The following ITIH2 variants were observed in gnomAD, a reference collection of about 807,000 sequenced individuals.
The protein encoded by ITIH2 is inter-alpha-trypsin inhibitor heavy chain H2.
ITIH2 carries 103 observed loss-of-function variants against 104.4 expected under a neutral mutation model. That is an observed-to-expected ratio of 0.99 (90% CI 0.84 to 1.16). The LOEUF (loss-of-function observed/expected upper bound fraction) is 1.16. ITIH2 is among the 50% of genes most tolerant of loss of function. The pLI, the probability that ITIH2 is intolerant of heterozygous loss-of-function variation, is 0.00. For synonymous variants in ITIH2, 436 were observed against 435.4 expected, an observed-to-expected ratio of 1.00 and a Z score of -0.02; for missense variants, 1,108 against 1,162.4, an observed-to-expected ratio of 0.95 and a Z score of 0.68.
intron 3 of ITIH2, among the ~76,000 whole-genome samples, chr10:7,707,775 G>GA (rs1834761134): frequency 6.6e-6 from 1 of 152,118 alleles, no homozygotes; most frequent in Admixed American, 6.6e-5. Flanking sequence ...ATGTTGGCCA[G>GA]GCTGGTCTCG....
chr10:7,744,243 T>G lies in ITIH2; in HGVS notation c.2371T>G (p.Leu791Val). The change falls in exon 18 of 21, where the codon TTG becomes GTG. Residue 791 changes from leucine (L) to valine (V), a missense_variant. Physicochemically the swap from Leu to Val is conservative, Grantham distance 32. Coordinates refer to ENST00000358415, the MANE Select transcript of ITIH2 (RefSeq NM_002216.3). Reference sequence around the variant, plus strand: ...GAGCCATGGTTCTAGCACATTCTCCTTGTCCTGGTCCGACACGGCTCAAGT... The same window carrying G: ...GAGCCATGGTTCTAGCACATTCTCCGTGTCCTGGTCCGACACGGCTCAAGT... ...TLSHGSSTFSLSWSDTAQVTN... is the reference protein window; with the variant it reads ...TLSHGSSTFSVSWSDTAQVTN... 6.2e-7 allele frequency: 1 copy of G among 1,614,132 alleles called. No homozygotes were observed. The highest frequency in any genetic ancestry group is 8.5e-7 in the Non-Finnish European group (1 of 1,179,992).
intron 6 of ITIH2, among the ~76,000 whole-genome samples, chr10:7,719,195 A>T (rs11255309): frequency 0.11 from 16,584 of 152,290 alleles, 979 homozygotes; most frequent in Admixed American, 0.18. Context: ...CGTGGGATCA[A>T]TAATGCCCAC....
In ITIH2 at chr10:7,713,186, T is replaced by C. The variant is rs1834813705; in HGVS notation, c.368T>C (p.Val123Ala). ...TACCTTCTGTCATTTTCTAGGACTG[T>C]GGACGGCAAGACATTTAGGAGCTCT... ...GAFISNFSMT[V>A]DGKTFRSSIK... Residue 123 changes from valine to alanine, a missense_variant, in exon 5 of 21, where the codon GTG becomes GCG. Coordinates refer to ENST00000358415, the MANE Select transcript of ITIH2 (RefSeq NM_002216.3). 6.2e-7 allele frequency: 1 copy of C among 1,613,140 alleles called. No individual in the cohort carries two copies. The highest frequency in any genetic ancestry group is 1.1e-5 in the South Asian group (1 of 91,046).
intron 11 of ITIH2, among the ~76,000 whole-genome samples, chr10:7,728,896 C>T (rs1012776462): frequency 1.3e-5 from 2 of 152,106 alleles, no homozygotes; most frequent in Admixed American, 1.3e-4. Context: ...TTATTAATAA[C>T]GAGACTAGAA....
intron 11 of ITIH2, among the ~76,000 whole-genome samples, chr10:7,728,144 G>C (rs952605221): frequency 1.3e-5 from 2 of 152,088 alleles, no homozygotes; most frequent in Non-Finnish European, 2.9e-5. Flanking sequence ...CTCAACTTGA[G>C]GTATGTGAAG....
intron 8 of ITIH2, 129 bp downstream of exon 8, chr10:7,721,906 A>G (rs1390751780): frequency 1.1e-6 from 1 of 908,022 alleles, no homozygotes; most frequent in Non-Finnish European, 1.7e-6. Context: ...CAGAGAAGGG[A>G]CTAAAATCAT....
rs1249900308 is a variant in ITIH2, at chr10:7,743,953, T to C, written c.2210-129T>C. 5.6e-6 allele frequency: 3 copies of C among 540,324 alleles called. No homozygotes were observed. The African/African-American group carries it at 5.7e-5, about 10-fold the overall frequency. The allele number at this position is 540,324 out of a possible 1,614,324, so 33.5% of individuals were successfully genotyped here. A position where few individuals can be genotyped will look rare whatever the true frequency, so the allele number is the denominator to read the frequency against. On this transcript the variant is annotated intron_variant, in intron 17 of 20. Coordinates refer to ENST00000358415, the MANE Select transcript of ITIH2 (RefSeq NM_002216.3). ...AGAATCACAAAGAAGAAAATGTTAA[T>C]GTAAATCTTGAAGCAAAATTATAAT...
In ITIH2 at chr10:7,703,398, A is replaced by C; in HGVS notation, c.-37A>C. The stretch of plus-strand genomic sequence containing the variant: ...GAAGAAGTGATATCCTCCCCAGACC[A>C]TCTGCTTTGGGGAGCTTGGCAAAAC... On this transcript the variant is annotated 5_prime_UTR_variant, in exon 1 of 21. Transcript: ENST00000358415. 2 of 1,457,764 alleles carry C rather than the reference A, an allele frequency of 1.4e-6. No individual in the cohort carries two copies. Among genetic ancestry groups the C allele is most frequent in the South Asian group, 2.3e-5 (2 of 87,826 alleles). 90.3% of individuals were successfully genotyped at this position (1,457,764 alleles called of 1,614,324 possible).
At chr10:7,707,163 A>G (rs542889000) in intron 2 of ITIH2, 38 bp from the exon 3 acceptor site, 6 of 1,520,884 alleles carry the variant, frequency 3.9e-6, no homozygotes, top group Non-Finnish European at 5.4e-6. Context: ...AATAAGTGAC[A>G]TACAGTTGAA....
intron 17 of ITIH2, 27 bp from the exon 18 acceptor site, chr10:7,744,055 A>G: frequency 6.3e-7 from 1 of 1,592,618 alleles, no homozygotes; most frequent in Middle Eastern, 1.7e-4. Context: ...CACAGAAGAG[A>G]AAACATCATT....
intron 14 of ITIH2, among the ~76,000 whole-genome samples, chr10:7,733,050 C>A (rs1027547027): frequency 6.6e-6 from 1 of 151,316 alleles, no homozygotes; most frequent in East Asian, 2.0e-4. Context: ...TTTAAGTGCA[C>A]CATTCAATGG....
At position 7,746,628 on chromosome 10, in the gene ITIH2, A is replaced by G. The variant is rs530775325; in HGVS notation, c.2617A>G (p.Asn873Asp). The part of the protein sequence containing the change: ...FMQEPKIHIF[N>D]ERPGKDPEKP... ...GCAGGAACCAAAGATACACATCTTC[A>G]ATGAGAGACCAGGAAAGGACCCTGA... Residue 873 changes from asparagine (N) to aspartate (D), a missense_variant, in exon 20 of 21, where the codon AAT (asparagine) becomes GAT (aspartate). Transcript: ENST00000358415. 16 of 1,613,874 alleles carry G rather than the reference A, an allele frequency of 9.9e-6. No individual in the cohort carries two copies. In the African/African-American group the frequency reaches 1.6e-4, roughly 16 times the overall value.
intron 20 of ITIH2, 142 bp downstream of exon 20, chr10:7,746,846 G>T: frequency 1.7e-6 from 1 of 583,292 alleles, no homozygotes; most frequent in Non-Finnish European, 3.2e-6. Context: ...GACGCACACA[G>T]CATTCGCATA....
intron 7 of ITIH2, 25 bp downstream of exon 7, chr10:7,720,988 A>C: frequency 7.7e-7 from 1 of 1,307,092 alleles, no homozygotes; most frequent in Non-Finnish European, 1.1e-6. Flanking sequence ...GTGTGTTGCC[A>C]GGCATTCACA....
intron 6 of ITIH2, among the ~76,000 whole-genome samples, chr10:7,719,693 C>T (rs1284473866): frequency 7.6e-6 from 1 of 131,324 alleles, no homozygotes; most frequent in Non-Finnish European, 1.5e-5. Context: ...CCTAAAAAAT[C>T]GAGGCTGCAG....
chr10:7,741,572 T>C (rs1230339329), intron 16 of ITIH2, among the ~76,000 whole-genome samples: 1 of 152,174 alleles, frequency 6.6e-6, no homozygotes, highest in Non-Finnish European at 1.5e-5. Flanking sequence ...CCTGGAGGTG[T>C]GAACTGAACA....
At chr10:7,707,450 T>C (rs1421957004) in intron 3 of ITIH2, among the ~76,000 whole-genome samples, 2 of 152,158 alleles carry the variant, frequency 1.3e-5, no homozygotes, top group East Asian at 3.9e-4. Context: ...AAGGGGCCCT[T>C]CTCTTCATTT....
In ITIH2 at chr10:7,720,913, T is replaced by C; in HGVS notation, c.688T>C (p.Phe230Leu). The C allele has an allele frequency of 1.9e-6, 3 of 1,613,820 alleles. No homozygotes were observed. The highest frequency in any genetic ancestry group is 2.5e-6 in the Non-Finnish European group (3 of 1,179,720). Residue 230 changes from phenylalanine to leucine, a missense_variant, in exon 7 of 21, where the codon TTT becomes CTT. Phe to Leu is a conservative substitution (Grantham distance 22). Coordinates refer to ENST00000358415, the MANE Select transcript of ITIH2 (RefSeq NM_002216.3). ...GLRFLHVPDT[F>L]EGHFDGVPVI... is the part of the protein sequence containing the mutation. ...GAGATTTCTTCATGTTCCCGACACA[T>C]TTGAAGGCCATTTCGATGGTGTTCC...
At chr10:7,703,861 A>G (rs1834720465) in intron 1 of ITIH2, among the ~76,000 whole-genome samples, 1 of 152,224 alleles carries the variant, frequency 6.6e-6, no homozygotes, top group Non-Finnish European at 1.5e-5. Context: ...AAACTCTTCT[A>G]GCAGAGCGCC....
Sources: allele counts gnomAD v4.1 joint callset (sites outside exome capture counted in the v4.1 genomes callset), GRCh38; gene constraint gnomAD v4.1.1; transcripts MANE v1.5; gene names NCBI Gene and HGNC (gene_info 2026-07-23, HGNC 2026-07-21).